Variants in ANKS1B observed in about 807,000 individuals in gnomAD.
The protein encoded by ANKS1B is ankyrin repeat and sterile alpha motif domain containing 1B.
A neutral mutation model predicts 148.3 loss-of-function variants in ANKS1B; 36 were observed. The observed-to-expected ratio is 0.24, with a 90% CI of 0.19 to 0.32. ANKS1B has a LOEUF of 0.32. Among genes scored for constraint, ANKS1B ranks in the 10% least tolerant of loss-of-function variants. The probability of loss-of-function intolerance (pLI) is 1.00; values close to 1 mark genes in which losing one functional copy is unlikely to be tolerated. For missense variants in ANKS1B, 1,157 were observed against 1,542.6 expected, an observed-to-expected ratio of 0.75 and a Z score of 4.19; for synonymous variants, 542 against 560.8, an observed-to-expected ratio of 0.97 and a Z score of 0.47.
chr12:99,934,095 C>A (rs2094695815), intron 1 of ANKS1B, among the ~76,000 whole-genome samples: 2 of 152,168 alleles, frequency 1.3e-5, no homozygotes, highest in African/African-American at 4.8e-5. Flanking sequence ...GCATGTTGAA[C>A]CATCCTTACC....
intron 4 of ANKS1B, among the ~76,000 whole-genome samples, chr12:99,796,764 G>A (rs2066308351): frequency 6.6e-6 from 1 of 151,656 alleles, no homozygotes; most frequent in Non-Finnish European, 1.5e-5. Flanking sequence ...AAAGCAATTA[G>A]AAAACCTATT....
chr12:99,897,988 T>C (rs143719600), intron 1 of ANKS1B, among the ~76,000 whole-genome samples: 1,931 of 141,144 alleles, frequency 0.014, 107 homozygotes, highest in Non-Finnish European at 0.02. Flanking sequence ...AATATTTAGA[T>C]AGAAGTACAA....
chr12:98,991,981 CAG>C (rs1217156049), intron 17 of ANKS1B, among the ~76,000 whole-genome samples: 1 of 152,122 alleles, frequency 6.6e-6, no homozygotes, highest in Admixed American at 6.6e-5. Flanking sequence ...TAATAGAAGA[CAG>C]TGTGTAGGAA....
intron 17 of ANKS1B, among the ~76,000 whole-genome samples, chr12:98,838,167 T>G (rs2153713865): frequency 1.3e-5 from 2 of 152,334 alleles, no homozygotes; most frequent in Non-Finnish European, 2.9e-5. Flanking sequence ...TCACTAAACA[T>G]TTCCCCTATC....
chr12:98,739,381 A>T (rs888995380), downstream of ANKS1B, among the ~76,000 whole-genome samples: 4 of 152,220 alleles, frequency 2.6e-5, no homozygotes, highest in African/African-American at 9.6e-5. Context: ...CTTTGAAAAA[A>T]GCAGCAGGAA....
intron 1 of ANKS1B, among the ~76,000 whole-genome samples, chr12:99,950,577 T>G (rs2095193102): frequency 6.6e-6 from 1 of 152,228 alleles, no homozygotes; most frequent in Non-Finnish European, 1.5e-5. Context: ...AAATGTTATT[T>G]TCTGAAGTTA....
At chr12:99,323,008 C>A (rs571377620) in intron 12 of ANKS1B, among the ~76,000 whole-genome samples, 1 of 152,130 alleles carries the variant, frequency 6.6e-6, no homozygotes, top group South Asian at 2.1e-4. Context: ...GTCCACTAAA[C>A]CCCTTTTTCT....
intron 8 of ANKS1B, among the ~76,000 whole-genome samples, chr12:99,724,994 C>G (rs2058477156): frequency 1.3e-5 from 2 of 152,236 alleles, no homozygotes; most frequent in South Asian, 2.1e-4. Flanking sequence ...CTTACAAGAG[C>G]CCCTGAGGGA....
At chr12:99,364,289 T>C (rs1037572377) in intron 12 of ANKS1B, among the ~76,000 whole-genome samples, 6 of 152,200 alleles carry the variant, frequency 3.9e-5, no homozygotes, top group Non-Finnish European at 8.8e-5. Context: ...TTGTTTATTG[T>C]ACATGTTTAT....
intron 15 of ANKS1B, chr12:99,104,899 G>A (rs993225471): frequency 6.6e-6 from 1 of 152,166 alleles, no homozygotes; most frequent in Non-Finnish European, 1.5e-5. Context: ...TTCTCTGCCA[G>A]CTCTATAAAG....
At chr12:98,979,876 C>CT (rs1400931295) in intron 17 of ANKS1B, among the ~76,000 whole-genome samples, 5 of 151,892 alleles carry the variant, frequency 3.3e-5, no homozygotes, top group Admixed American at 1.3e-4. Flanking sequence ...TTAATGTGTC[C>CT]TTTTTTCCCC....
intron 17 of ANKS1B, among the ~76,000 whole-genome samples, chr12:98,932,427 C>T (rs989196810): frequency 1.3e-5 from 2 of 152,110 alleles, no homozygotes; most frequent in Admixed American, 1.3e-4. Flanking sequence ...TTTGTCTTTG[C>T]AAAACAAGTT....
At chr12:99,333,886 G>A (rs1207119017) in intron 12 of ANKS1B, among the ~76,000 whole-genome samples, 1 of 105,340 alleles carries the variant, frequency 9.5e-6, no homozygotes, top group Non-Finnish European at 1.9e-5. Flanking sequence ...AACAATGTGA[G>A]TAAGTTGTAG....
chr12:99,198,289 A>G (rs894040924), intron 14 of ANKS1B, among the ~76,000 whole-genome samples: 3 of 152,226 alleles, frequency 2.0e-5, no homozygotes, highest in Non-Finnish European at 4.4e-5. Flanking sequence ...TGTTGAGCAC[A>G]TAGTACATTT....
intron 10 of ANKS1B, among the ~76,000 whole-genome samples, chr12:99,489,403 T>C (rs2096534334): frequency 6.6e-6 from 1 of 152,214 alleles, no homozygotes; most frequent in Non-Finnish European, 1.5e-5. Flanking sequence ...TTTTACTTTC[T>C]ATATATTGAA....
intron 17 of ANKS1B, among the ~76,000 whole-genome samples, chr12:98,850,106 C>G (rs201364): frequency 0.41 from 62,532 of 151,778 alleles, 15,142 homozygotes; most frequent in South Asian, 0.62. Context: ...CAGAGACAGA[C>G]AGACAACCCC....
rs529187968 is a variant in ANKS1B at position 99,936,456 on chromosome 12, G to A, written c.134+47648C>T. On this transcript the variant is annotated intron_variant, in intron 1 of 26. Transcript: ENST00000683438. ...GAGGCCAGGAGTTCAGGACCAGCCT[G>A]GCCAATATGGCAAGACCCCATCTCT... is the stretch of plus-strand genomic sequence containing the variant. Among the ~76,000 whole-genome samples the A allele has an allele frequency of 7.9e-5, 12 of 152,236 alleles. No individual in the cohort carries two copies. The South Asian group carries it at 1.0e-3, about 13-fold the overall frequency.
rs1057112252 is a variant in ANKS1B at position 98,937,476 on chromosome 12, G to A, written c.2779-105340C>T. Among the ~76,000 whole-genome samples the A allele has an allele frequency of 4.6e-5, 7 of 152,042 alleles. No individual in the cohort carries two copies. The East Asian group carries it at 1.4e-3, about 30-fold the overall frequency. ...TGAACTGAACATACTAGTATGTTTT[G>A]TAGCTTCACTGTCTTTGCTTATACT... On this transcript the variant is annotated intron_variant, in intron 17 of 26. Coordinates refer to ENST00000683438, the MANE Select transcript of ANKS1B (RefSeq NM_001352186.2).
chr12:98,956,017 G>A (rs2099861595), intron 17 of ANKS1B, among the ~76,000 whole-genome samples: 1 of 152,174 alleles, frequency 6.6e-6, no homozygotes, highest in Admixed American at 6.5e-5. Context: ...AGGTCTGCCT[G>A]AATTCCAGGC....
Sources: gnomAD v4.1 joint callset for allele counts (sites outside exome capture counted in the v4.1 genomes callset) on GRCh38, gnomAD v4.1.1 for gene constraint, MANE v1.5 for transcripts, NCBI Gene and HGNC (gene_info 2026-07-23, HGNC 2026-07-21) for gene names.